Variants in EXD3 observed in about 807,000 individuals in gnomAD.
The protein encoded by EXD3 is exonuclease 3'-5' domain containing 3, also known as exonuclease mut-7 homolog.
In EXD3, 92 loss-of-function variants were observed where a neutral mutation model predicts 98.0. That is an observed-to-expected ratio of 0.94 (90% CI 0.79 to 1.12). The LOEUF is 1.12. Ranked by LOEUF, EXD3 falls within the 50% of genes most tolerant of loss-of-function variation. The probability of loss-of-function intolerance (pLI) is 0.00; values close to 1 mark genes in which losing one functional copy is unlikely to be tolerated. For synonymous variants in EXD3, 569 were observed against 526.0 expected, an observed-to-expected ratio of 1.08 and a Z score of -1.12; for missense variants, 1,222 against 1,191.6, an observed-to-expected ratio of 1.03 and a Z score of -0.38.
chr9:137,415,935 T>G (rs975970725), intron 1 of EXD3, among the ~76,000 whole-genome samples: 2 of 152,242 alleles, frequency 1.3e-5, no homozygotes, highest in Admixed American at 1.3e-4. Context: ...CAGATGCACG[T>G]GTGAGGGCCT....
intron 1 of EXD3, among the ~76,000 whole-genome samples, chr9:137,413,919 C>CT (rs57038595): frequency 3.5e-3 from 470 of 133,462 alleles, no homozygotes; most frequent in South Asian, 0.018. Flanking sequence ...TTTTTTTTTT[C>CT]TTTTTTTTTT....
At chr9:137,341,162 TA>T (rs1304399643) in intron 17 of EXD3, among the ~76,000 whole-genome samples, 2 of 152,132 alleles carry the variant, frequency 1.3e-5, no homozygotes, top group Non-Finnish European at 2.9e-5. Flanking sequence ...TGAAACATTT[TA>T]AACATTAGCT....
chr9:137,309,798 T>A, intron 19 of EXD3, 98 bp from the exon 20 acceptor site: 1 of 902,206 alleles, frequency 1.1e-6, no homozygotes, highest in Non-Finnish European at 1.7e-6. Context: ...GGTCTGGCCA[T>A]GGGGTTTCAC....
chr9:137,354,784 A>C lies in EXD3; in HGVS notation c.758-11T>G. 6.2e-7 allele frequency: 1 copy of C among 1,607,562 alleles called. No homozygotes were observed. Among genetic ancestry groups the C allele is most frequent in the Non-Finnish European group, 8.5e-7 (1 of 1,178,860 alleles). ...CGTTGGGACACAGCGCTGAAAGGAAAGGCCAGCTCAGCACTGAGGGCTCAG... is the reference window on the plus strand; with the variant it reads ...CGTTGGGACACAGCGCTGAAAGGAACGGCCAGCTCAGCACTGAGGGCTCAG... On this transcript the variant is annotated splice_polypyrimidine_tract_variant and intron_variant, in intron 8 of 21. Coordinates refer to ENST00000340951, the MANE Select transcript of EXD3 (RefSeq NM_017820.5).
chr9:137,348,369 T>C, intron 16 of EXD3, 131 bp from the exon 17 acceptor site: 4 of 1,107,656 alleles, frequency 3.6e-6, no homozygotes, highest in Non-Finnish European at 3.8e-6. Context: ...AAACTGTGTG[T>C]GCTGTGCATA....
At chr9:137,314,315 G>C (rs1177465190) in intron 19 of EXD3, among the ~76,000 whole-genome samples, 1 of 152,218 alleles carries the variant, frequency 6.6e-6, no homozygotes, top group East Asian at 1.9e-4. Flanking sequence ...AGCCTCTTCA[G>C]AGAGAAGGGA....
chr9:137,308,782 G>C (rs189156554), intron 20 of EXD3, among the ~76,000 whole-genome samples: 1 of 151,902 alleles, frequency 6.6e-6, no homozygotes, highest in Non-Finnish European at 1.5e-5. Context: ...GACCACAGGC[G>C]TGTGCCACCA....
chr9:137,349,011 T>C lies in EXD3; in HGVS notation c.1830+99A>G. Reference sequence around the variant, plus strand: ...GGAGCTGGGCCCCCTCCACACGCTCTGACCCAGTGGCCTTGTCTCCATGCA... The same window carrying C: ...GGAGCTGGGCCCCCTCCACACGCTCCGACCCAGTGGCCTTGTCTCCATGCA... On this transcript the variant is annotated intron_variant, in intron 16 of 21. Coordinates refer to ENST00000340951, the MANE Select transcript of EXD3 (RefSeq NM_017820.5). The surrounding 1 kb of genome is among the most constrained non-coding windows in gnomAD (Gnocchi z 7.4). 1 of 1,387,642 alleles carries C rather than the reference T, an allele frequency of 7.2e-7. No homozygotes were observed. The allele number at this position is 1,387,642 out of a possible 1,614,324, so 86.0% of individuals were successfully genotyped here.
intron 19 of EXD3, among the ~76,000 whole-genome samples, chr9:137,320,937 G>A (rs936300601): frequency 2.6e-5 from 4 of 152,216 alleles, no homozygotes; most frequent in East Asian, 1.9e-4. Flanking sequence ...GAGAGGCAGC[G>A]GACGCGGTTC....
intron 17 of EXD3, among the ~76,000 whole-genome samples, chr9:137,337,310 C>G (rs189046942): frequency 6.6e-6 from 1 of 152,220 alleles, no homozygotes; most frequent in East Asian, 1.9e-4. Context: ...ATCACAGGAA[C>G]CTTCTGTATG....
At position 137,403,351 on chromosome 9, in the gene EXD3, A is replaced by G. The variant is rs939931618; in HGVS notation, c.-47-7947T>C. 6.6e-6 allele frequency among the ~76,000 whole-genome samples: 1 copy of G among 151,950 alleles called. No homozygotes were observed. Among genetic ancestry groups the G allele is most frequent in the African/African-American group, 2.4e-5 (1 of 41,356 alleles). Reference sequence around the variant, plus strand: ...AAAAGCCCTCCCAGCCGCACCTGCCAGCCACTGAGTTTGGGGGCACAGGCA... The same window carrying G: ...AAAAGCCCTCCCAGCCGCACCTGCCGGCCACTGAGTTTGGGGGCACAGGCA... On this transcript the variant is annotated intron_variant, in intron 1 of 21. Coordinates refer to ENST00000340951, the MANE Select transcript of EXD3 (RefSeq NM_017820.5). The surrounding 1 kb of genome is among the most constrained non-coding windows in gnomAD (Gnocchi z 6.1).
intron 17 of EXD3, among the ~76,000 whole-genome samples, chr9:137,332,222 C>T (rs7865811): frequency 6.6e-6 from 1 of 152,010 alleles, no homozygotes; most frequent in Admixed American, 6.6e-5. Context: ...TTTTTCACAG[C>T]ATTAGAAAAA....
chr9:137,389,003 C>T (rs943747586), intron 2 of EXD3, among the ~76,000 whole-genome samples: 1 of 152,196 alleles, frequency 6.6e-6, no homozygotes, highest in Non-Finnish European at 1.5e-5. Context: ...TGGCACCTCC[C>T]GCAGGCGTGT....
At chr9:137,346,238 CAAAAAAAA>C (rs563761495) in intron 17 of EXD3, among the ~76,000 whole-genome samples, 44 of 13,608 alleles carry the variant, frequency 3.2e-3, no homozygotes, top group East Asian at 0.01. Flanking sequence ...GACTCCGTCT[CAAAAAAAA>C]AAAAAAAAAA....
chr9:137,381,942 C>T (rs140888296), intron 3 of EXD3, among the ~76,000 whole-genome samples: 181 of 151,204 alleles, frequency 1.2e-3, no homozygotes, highest in Middle Eastern at 3.4e-3. Flanking sequence ...GGTGAGAGCA[C>T]GAGGAGGAGG....
In EXD3 at chr9:137,324,417, A is replaced by T. The variant is rs1406888851; in HGVS notation, c.1999-274T>A. ...TTGAATTTAAAAAGCCATCCCTCAA[A>T]AGCAGAAGAAAATGAAATACATAAA... is the stretch of plus-strand genomic sequence containing the variant. On this transcript the variant is annotated intron_variant, in intron 17 of 21. Coordinates refer to ENST00000340951, the MANE Select transcript of EXD3 (RefSeq NM_017820.5). The surrounding 1 kb of genome is among the most constrained non-coding windows in gnomAD (Gnocchi z 4.1). Among the ~76,000 whole-genome samples the T allele has an allele frequency of 6.6e-6, 1 of 152,058 alleles. No homozygotes were observed.
chr9:137,354,214 C>A, intron 10 of EXD3, 125 bp downstream of exon 10: 1 of 1,483,384 alleles, frequency 6.7e-7, no homozygotes, highest in South Asian at 1.2e-5. Flanking sequence ...AACATGGGGT[C>A]TGGGCTCAGC....
chr9:137,403,505 C>G lies in EXD3; in HGVS notation c.-47-8101G>C, dbSNP rs1312108382. On this transcript the variant is annotated intron_variant, in intron 1 of 21. Coordinates refer to ENST00000340951, the MANE Select transcript of EXD3 (RefSeq NM_017820.5). The surrounding 1 kb of genome is among the most constrained non-coding windows in gnomAD (Gnocchi z 6.1). ...AGGGTCTGGCAGCACCCCATGAAGG[C>G]CGCCCCAGGTCCGTTTCAGCCCTCC... Among the ~76,000 whole-genome samples, 1 of 152,114 alleles carries G rather than the reference C, an allele frequency of 6.6e-6. No homozygotes were observed. Among genetic ancestry groups the G allele is most frequent in the African/African-American group, 2.4e-5 (1 of 41,434 alleles).
intron 17 of EXD3, among the ~76,000 whole-genome samples, chr9:137,341,141 T>C (rs1289900217): frequency 6.6e-6 from 1 of 152,116 alleles, no homozygotes. Context: ...CATAGCGAGA[T>C]CCTGTCTCCA....
Sources: allele counts gnomAD v4.1 joint callset (sites outside exome capture counted in the v4.1 genomes callset), GRCh38; gene constraint gnomAD v4.1.1; non-coding constraint Gnocchi (gnomAD v3.1); transcripts MANE v1.5; gene names NCBI Gene and HGNC (gene_info 2026-07-23, HGNC 2026-07-21).